CDHR2: variants seen among roughly 807,000 people sequenced by gnomAD.
CDHR2 encodes the protein cadherin-related family member 2.
CDHR2 carries 104 observed loss-of-function variants against 138.6 expected under a neutral mutation model. That is an observed-to-expected ratio of 0.75 (90% CI 0.64 to 0.88). CDHR2 has a LOEUF of 0.88. Among genes scored for constraint, CDHR2 ranks in the 40% least tolerant of loss-of-function variants. CDHR2 has a pLI of 0.00. For synonymous variants in CDHR2, 755 were observed against 742.8 expected, an observed-to-expected ratio of 1.02 and a Z score of -0.27; for missense variants, 1,624 against 1,727.6, an observed-to-expected ratio of 0.94 and a Z score of 1.06.
Position 176,581,315 on chromosome 5 carries a change from G to C in CDHR2, c.1819-28G>C, listed in dbSNP as rs202042523. On this transcript the variant is annotated intron_variant, in intron 16 of 31. Transcript: ENST00000261944. Reference sequence around the variant, plus strand: ...CTGGGGGCTGGGAATGCCGATGGCCGATGACCAACCCCTGCTTACGTGCAC... The same window carrying C: ...CTGGGGGCTGGGAATGCCGATGGCCCATGACCAACCCCTGCTTACGTGCAC... 2.5e-5 allele frequency: 41 copies of C among 1,608,812 alleles called. No homozygotes were observed. In the East Asian group the frequency reaches 6.0e-4, roughly 24 times the overall value.
intron 12 of CDHR2, 21 bp from the exon 13 acceptor site, chr5:176,577,378 C>T: frequency 6.3e-7 from 1 of 1,597,416 alleles, no homozygotes; most frequent in East Asian, 2.3e-5. Context: ...CAGGTCCCTG[C>T]TAGACAGCCC....
chr5:176,561,266 G>T (rs1216480751), intron 1 of CDHR2, among the ~76,000 whole-genome samples: 3 of 152,126 alleles, frequency 2.0e-5, no homozygotes, highest in Non-Finnish European at 4.4e-5. Flanking sequence ...AGGTTATGCT[G>T]GATTTGGACC....
intron 1 of CDHR2, among the ~76,000 whole-genome samples, chr5:176,562,145 T>G (rs1171673890): frequency 6.6e-6 from 1 of 151,646 alleles, no homozygotes; most frequent in Non-Finnish European, 1.5e-5. Flanking sequence ...TTTTATGGAG[T>G]CTGGACTCTA....
chr5:176,584,879 C>T lies in CDHR2; in HGVS notation c.2598C>T (p.Phe866=). The change falls in exon 19 of 32, where the codon TTC becomes TTT. Residue 866 remains phenylalanine, a synonymous_variant. Coordinates refer to ENST00000261944, the MANE Select transcript of CDHR2 (RefSeq NM_017675.6). ...VDVGSLCWGW[F]SVAANGSVYI... ...TGGGCAGCCTATGCTGGGGCTGGTTCTCAGTGGCGGCCAACGGCTCTGTGT... is the reference window on the plus strand; with the variant it reads ...TGGGCAGCCTATGCTGGGGCTGGTTTTCAGTGGCGGCCAACGGCTCTGTGT... 1 of 1,614,136 alleles carries T rather than the reference C, an allele frequency of 6.2e-7. No homozygotes were observed. Among genetic ancestry groups the T allele is most frequent in the Non-Finnish European group, 8.5e-7 (1 of 1,179,986 alleles).
At chr5:176,593,440 G>A (rs1353309224) in intron 31 of CDHR2, among the ~76,000 whole-genome samples, 3 of 152,244 alleles carry the variant, frequency 2.0e-5, no homozygotes, top group African/African-American at 7.2e-5. Context: ...AGCCGCTCAG[G>A]GGGTGCTAAG....
At chr5:176,556,333 C>T (rs1169296203) in intron 1 of CDHR2, among the ~76,000 whole-genome samples, 1 of 152,204 alleles carries the variant, frequency 6.6e-6, no homozygotes, top group Non-Finnish European at 1.5e-5. Context: ...AGCGCCATTG[C>T]ACTCCAGAAT....
upstream of CDHR2, among the ~76,000 whole-genome samples, chr5:176,544,977 A>G (rs2963692): frequency 0.95 from 145,103 of 152,304 alleles, 69,494 homozygotes; most frequent in East Asian, 1. Flanking sequence ...ACAGGTAAAG[A>G]AATGGCGGCT....
At chr5:176,585,430 C>T (rs2086670064) in intron 19 of CDHR2, among the ~76,000 whole-genome samples, 1 of 152,228 alleles carries the variant, frequency 6.6e-6, no homozygotes, top group African/African-American at 2.4e-5. Context: ...CCAAGAACTA[C>T]ACCAGGCACC....
intron 21 of CDHR2, among the ~76,000 whole-genome samples, chr5:176,587,728 G>A (rs952392191): frequency 3.3e-5 from 5 of 152,176 alleles, no homozygotes; most frequent in African/African-American, 1.2e-4. Flanking sequence ...AAGGACATGG[G>A]TACAAGAGAT....
rs919592196 is a variant in CDHR2 at position 176,543,164 on chromosome 5, G to A, written c.-16+395G>A. ...CAGAGGCCTGGCGGGAAGACCCCGCGTGCGTTCCTCCGCCGGCCCGCGGCC... is the reference window on the plus strand; with the variant it reads ...CAGAGGCCTGGCGGGAAGACCCCGCATGCGTTCCTCCGCCGGCCCGCGGCC... On this transcript the variant is annotated intron_variant, in intron 1 of 31. Transcript: ENST00000510636. The surrounding 1 kb of genome is among the most constrained non-coding windows in gnomAD (Gnocchi z 4.0). Among the ~76,000 whole-genome samples the A allele has an allele frequency of 1.0e-3, 155 of 150,594 alleles. No homozygotes were observed. The highest frequency in any genetic ancestry group is 3.4e-3 in the African/African-American group (142 of 41,350).
chr5:176,568,629 C>A, intron 3 of CDHR2, 49 bp from the exon 4 acceptor site: 1 of 1,602,700 alleles, frequency 6.2e-7, no homozygotes, highest in Non-Finnish European at 8.5e-7. Context: ...GCCAGACCAG[C>A]ACTGAAAGGG....
intron 1 of CDHR2, among the ~76,000 whole-genome samples, chr5:176,549,797 G>C (rs539075058): frequency 2.0e-5 from 3 of 152,172 alleles, no homozygotes; most frequent in Non-Finnish European, 2.9e-5. Context: ...CCAGCTGCTC[G>C]GTTCACATCC....
upstream of CDHR2, chr5:176,547,769 C>T (rs1050667137): frequency 1.3e-5 from 2 of 152,202 alleles, no homozygotes; most frequent in Non-Finnish European, 2.9e-5. Flanking sequence ...CGTAGATTAC[C>T]CTTATTTTTC....
At chr5:176,593,816 C>T (rs528442453) in intron 31 of CDHR2, among the ~76,000 whole-genome samples, 16 of 152,308 alleles carry the variant, frequency 1.1e-4, no homozygotes, top group African/African-American at 2.2e-4. Context: ...GGTAGAATGT[C>T]GCACAGGGGC....
Position 176,591,399 on chromosome 5 carries a change from T to A in CDHR2, c.3654-5T>A, listed in dbSNP as rs749171101. The A allele has an allele frequency of 6.2e-7, 1 of 1,613,972 alleles. No homozygotes were observed. Among genetic ancestry groups the A allele is most frequent in the South Asian group, 1.1e-5 (1 of 91,084 alleles). On this transcript the variant is annotated splice_polypyrimidine_tract_variant and splice_region_variant and intron_variant, in intron 29 of 31. Coordinates refer to ENST00000261944, the MANE Select transcript of CDHR2 (RefSeq NM_017675.6). The stretch of plus-strand genomic sequence containing the variant: ...CCAGGCAACTTGACCAGGCTTTCTC[T>A]CCAGAGCCAACCCCATGCTGAACCT...
At chr5:176,555,721 A>G (rs1408365007) in intron 1 of CDHR2, among the ~76,000 whole-genome samples, 1 of 152,134 alleles carries the variant, frequency 6.6e-6, no homozygotes, top group African/African-American at 2.4e-5. Flanking sequence ...AGCCTGGCCA[A>G]CATGGCAAAA....
chr5:176,590,075 C>G lies in CDHR2; in HGVS notation c.3207-3C>G. The G allele has an allele frequency of 1.9e-6, 3 of 1,613,246 alleles. No homozygotes were observed. Among genetic ancestry groups the G allele is most frequent in the Non-Finnish European group, 2.5e-6 (3 of 1,179,376 alleles). On this transcript the variant is annotated splice_polypyrimidine_tract_variant and splice_region_variant and intron_variant, in intron 24 of 31. Coordinates refer to ENST00000261944, the MANE Select transcript of CDHR2 (RefSeq NM_017675.6). ...GCCTCTGTGACATCTGCCTTCTTTGCAGGGCTCTTACCCAGGCAACCAGGA... is the reference window on the plus strand; with the variant it reads ...GCCTCTGTGACATCTGCCTTCTTTGGAGGGCTCTTACCCAGGCAACCAGGA...
chr5:176,556,997 T>G lies in CDHR2; in HGVS notation c.-16+7583T>G, dbSNP rs1452477257. ...TCCCTTCCTCTCTTCCTTCCTTCCT[T>G]CTTTCTCTCTCTCTCTCTCTTTTTT... is the stretch of plus-strand genomic sequence containing the variant. On this transcript the variant is annotated intron_variant, in intron 1 of 31. Transcript: ENST00000261944. 3.0e-4 allele frequency among the ~76,000 whole-genome samples: 14 copies of G among 45,984 alleles called. No homozygotes were observed. The East Asian group carries it at 0.013, about 44-fold the overall frequency. The allele number at this position is 45,984 out of a possible 152,430, so 30.2% of individuals were successfully genotyped here.
At chr5:176,545,533 G>A (rs1056502790), upstream of CDHR2, among the ~76,000 whole-genome samples, 1 of 152,312 alleles carries the variant, frequency 6.6e-6, no homozygotes, top group African/African-American at 2.4e-5. Flanking sequence ...CTGTCGCCTC[G>A]TGCACATCAC....
Sources: allele counts gnomAD v4.1 joint callset (sites outside exome capture counted in the v4.1 genomes callset), GRCh38; gene constraint gnomAD v4.1.1; non-coding constraint Gnocchi (gnomAD v3.1); transcripts MANE v1.5; gene names NCBI Gene and HGNC (gene_info 2026-07-23, HGNC 2026-07-21).